Variants in ZFHX3 observed in about 807,000 individuals in gnomAD.
ZFHX3 encodes the protein zinc finger homeobox 3.
In ZFHX3, 42 loss-of-function variants were observed where a neutral mutation model predicts 279.1. The observed-to-expected ratio is 0.15, with a 90% CI of 0.12 to 0.19. The LOEUF is 0.19. Ranked by LOEUF, ZFHX3 falls within the 10% of genes least tolerant of loss-of-function variation. ZFHX3 has a pLI of 1.00. For synonymous variants in ZFHX3, 2,293 were observed against 1,957.8 expected, an observed-to-expected ratio of 1.17 and a Z score of -4.52; for missense variants, 4,981 against 4,754.0, an observed-to-expected ratio of 1.05 and a Z score of -1.40.
chr16:73,185,686 C>A (rs1259184036), intron 5 of ZFHX3, among the ~76,000 whole-genome samples: 1 of 152,112 alleles, frequency 6.6e-6, no homozygotes, highest in Non-Finnish European at 1.5e-5. Context: ...TTAAAAATAG[C>A]TGAATGCAGG....
chr16:73,640,866 C>T (rs764577346), intron 2 of ZFHX3, among the ~76,000 whole-genome samples: 12 of 152,202 alleles, frequency 7.9e-5, no homozygotes, highest in East Asian at 1.9e-4. Context: ...GCTCAGTGAA[C>T]GCAAACAGAC....
At chr16:73,120,782 G>A (rs1262151836) in intron 7 of ZFHX3, among the ~76,000 whole-genome samples, 1 of 151,002 alleles carries the variant, frequency 6.6e-6, no homozygotes, top group Non-Finnish European at 1.5e-5. Context: ...AACCTCCCGA[G>A]TAGCTGGGAC....
At chr16:73,482,895 C>T (rs1222225493) in intron 2 of ZFHX3, among the ~76,000 whole-genome samples, 1 of 152,180 alleles carries the variant, frequency 6.6e-6, no homozygotes, top group Non-Finnish European at 1.5e-5. Flanking sequence ...ATCTTTCAAT[C>T]TATCCATATT....
chr16:73,461,362 GT>G (rs1345233264), intron 2 of ZFHX3, among the ~76,000 whole-genome samples: 2 of 152,060 alleles, frequency 1.3e-5, no homozygotes, highest in Admixed American at 1.3e-4. Context: ...TTATCTTTTT[GT>G]TTTCCTCTTA....
chr16:73,093,615 C>A (rs766010729), intron 7 of ZFHX3: 1 of 505,672 alleles, frequency 2.0e-6, no homozygotes, highest in Non-Finnish European at 4.0e-6. Flanking sequence ...ACAGACAGCA[C>A]GGAGAAGGAT....
chr16:73,885,616 C>G (rs1366341667), intron 1 of ZFHX3, among the ~76,000 whole-genome samples: 1 of 151,918 alleles, frequency 6.6e-6, no homozygotes, highest in South Asian at 2.1e-4. Context: ...TGTTCAAAAA[C>G]AGTAACAAAA....
At chr16:73,235,826 A>T (rs1417216925) in intron 5 of ZFHX3, among the ~76,000 whole-genome samples, 2 of 151,982 alleles carry the variant, frequency 1.3e-5, no homozygotes, top group Admixed American at 1.3e-4. Context: ...ATGCGCCACC[A>T]CGCTAGGCAA....
intron 2 of ZFHX3, among the ~76,000 whole-genome samples, chr16:72,956,771 G>GC (rs35605111): frequency 0.96 from 145,575 of 151,792 alleles, 69,970 homozygotes; most frequent in Admixed American, 0.98. Context: ...TGCCACTGGG[G>GC]AATTTAATTC....
At chr16:73,175,180 G>A (rs917188496) in intron 5 of ZFHX3, among the ~76,000 whole-genome samples, 2 of 152,048 alleles carry the variant, frequency 1.3e-5, no homozygotes, top group Non-Finnish European at 2.9e-5. Context: ...AGGAGTTCGA[G>A]ACCAGCCTGG....
chr16:73,471,997 C>G (rs1400843937), intron 2 of ZFHX3, among the ~76,000 whole-genome samples: 3 of 152,166 alleles, frequency 2.0e-5, no homozygotes, highest in Non-Finnish European at 4.4e-5. Flanking sequence ...CTGAGCACCT[C>G]AGAACCTCCT....
At chr16:73,571,524 C>T (rs1366619497) in intron 2 of ZFHX3, among the ~76,000 whole-genome samples, 1 of 152,220 alleles carries the variant, frequency 6.6e-6, no homozygotes, top group South Asian at 2.1e-4. Flanking sequence ...GGGCTATTTT[C>T]GGCTGAATGC....
At chr16:72,865,144 G>C in intron 4 of ZFHX3, among the ~76,000 whole-genome samples, 1 of 152,176 alleles carries the variant, frequency 6.6e-6, no homozygotes, top group East Asian at 1.9e-4. Context: ...TGAGAGAGAG[G>C]CTTTCACTTT....
At chr16:73,255,791 A>G (rs1384075721) in intron 5 of ZFHX3, among the ~76,000 whole-genome samples, 1 of 152,206 alleles carries the variant, frequency 6.6e-6, no homozygotes, top group East Asian at 1.9e-4. Context: ...GAAATGCCAC[A>G]TAATCCTGTA....
At chr16:72,970,777 T>C (rs1167513950) in intron 1 of ZFHX3, among the ~76,000 whole-genome samples, 1 of 152,214 alleles carries the variant, frequency 6.6e-6, no homozygotes, top group African/African-American at 2.4e-5. Flanking sequence ...CAAGATCCTA[T>C]TTCTACTCTC....
At chr16:72,936,277 G>A (rs1029243170) in intron 3 of ZFHX3, among the ~76,000 whole-genome samples, 1 of 152,188 alleles carries the variant, frequency 6.6e-6, no homozygotes, top group African/African-American at 2.4e-5. Flanking sequence ...GCAGAAGCAC[G>A]GCATGCTCTG....
At chr16:73,722,655 A>T (rs1161782432) in intron 1 of ZFHX3, among the ~76,000 whole-genome samples, 1 of 152,094 alleles carries the variant, frequency 6.6e-6, no homozygotes. Context: ...AGCTATTTGG[A>T]GAGAAGATTC....
chr16:72,785,001 AAAG>A lies in ZFHX3; in HGVS notation c.*2160_*2162del. On this transcript the variant is annotated 3_prime_UTR_variant, in exon 10 of 10. Coordinates refer to ENST00000268489, the MANE Select transcript of ZFHX3 (RefSeq NM_006885.4). Reference sequence around the variant, plus strand: ...TCGATGAGTGGCTTCAGCACTGGGGAAAGAAGCCCGAAAGGTGACCAATGGAAC... The same window carrying A: ...TCGATGAGTGGCTTCAGCACTGGGGAAAGCCCGAAAGGTGACCAATGGAAC... 1 of 152,716 alleles carries A rather than the reference AAAG, an allele frequency of 6.5e-6. No homozygotes were observed. The highest frequency in any genetic ancestry group is 6.5e-5 in the Admixed American group (1 of 15,306). The allele number at this position is 152,716 out of a possible 1,614,324, so 9.5% of individuals were successfully genotyped here.
chr16:73,728,015 G>GCCCCCCCCCCCCCCCCCCCCCCCCTCCCC (rs3049673), intron 1 of ZFHX3, among the ~76,000 whole-genome samples: 1 of 75,426 alleles, frequency 1.3e-5, no homozygotes, highest in Non-Finnish European at 2.6e-5. Context: ...GCCGAATTGT[G>GCCCCCCCCCCCCCCCCCCCCCCCCTCCCC]CCCCCCCCCC....
chr16:72,999,871 T>C (rs908293018), intron 1 of ZFHX3, among the ~76,000 whole-genome samples: 15 of 152,328 alleles, frequency 9.8e-5, no homozygotes, highest in African/African-American at 2.6e-4. Flanking sequence ...ACTGGCAAGC[T>C]GAAAGCTTCT....
Sources: allele counts gnomAD v4.1 joint callset (sites outside exome capture counted in the v4.1 genomes callset), GRCh38; gene constraint gnomAD v4.1.1; transcripts MANE v1.5; gene names NCBI Gene and HGNC (gene_info 2026-07-23, HGNC 2026-07-21).